NFXL1: variants seen among roughly 807,000 people sequenced by gnomAD.
NFXL1 encodes the protein NF-X1-type zinc finger protein NFXL1.
Under a neutral mutation model 123.3 loss-of-function variants are expected in NFXL1, and 66 were observed. The ratio of observed to expected loss-of-function variants is 0.54; its 90% confidence interval spans 0.44 to 0.66. The LOEUF is 0.66. Ranked by LOEUF, NFXL1 falls within the 30% of genes least tolerant of loss-of-function variation. The probability of loss-of-function intolerance (pLI) is 0.00; values close to 1 mark genes in which losing one functional copy is unlikely to be tolerated. For missense variants in NFXL1, 944 were observed against 1,125.6 expected (o/e 0.84, Z 2.31); for synonymous variants, 346 against 360.8 (o/e 0.96, Z 0.46).
At chr4:47,889,397 A>G (rs1290981405) in intron 12 of NFXL1, among the ~76,000 whole-genome samples, 1 of 152,232 alleles carries the variant, frequency 6.6e-6, no homozygotes, top group Admixed American at 6.5e-5. Context: ...GGGTAAATAG[A>G]ATCTGACACT....
At chr4:47,911,041 A>G (rs1737808143) in intron 2 of NFXL1, 47 bp from the exon 3 acceptor site, 1 of 1,194,636 alleles carries the variant, frequency 8.4e-7, no homozygotes, top group African/African-American at 1.5e-5. Context: ...ATCTCTCAAA[A>G]AGAAAAGCAT....
chr4:47,879,093 T>C lies in NFXL1; in HGVS notation c.1938+3A>G. The C allele has an allele frequency of 7.2e-7, 1 of 1,388,796 alleles. No individual in the cohort carries two copies. The highest frequency in any genetic ancestry group is 1.4e-5 in the South Asian group (1 of 69,770). The allele number at this position is 1,388,796 out of a possible 1,614,324, so 86.0% of individuals were successfully genotyped here. A position where few individuals can be genotyped will look rare whatever the true frequency, so the allele number is the denominator to read the frequency against. On this transcript the variant is annotated splice_donor_region_variant and intron_variant, in intron 16 of 22. Coordinates refer to ENST00000507489, the MANE Select transcript of NFXL1 (RefSeq NM_001278624.2). The stretch of plus-strand genomic sequence containing the variant: ...TTACTTAAAAATTGTGCCTGTAACT[T>C]ACCTCATGTTTCCCAAGACATTCCC...
intron 15 of NFXL1, among the ~76,000 whole-genome samples, chr4:47,880,450 G>T (rs1303680799): frequency 2.7e-5 from 4 of 145,462 alleles, no homozygotes; most frequent in Non-Finnish European, 6.0e-5. Context: ...AAAAAAAAAG[G>T]TTAAAAAGAT....
intron 3 of NFXL1, among the ~76,000 whole-genome samples, chr4:47,909,069 G>A (rs1737706206): frequency 6.6e-6 from 1 of 151,388 alleles, no homozygotes; most frequent in Non-Finnish European, 1.5e-5. Flanking sequence ...CAGATATACA[G>A]CACAGACTAC....
At chr4:47,884,955 C>A (rs1736335731) in intron 14 of NFXL1, among the ~76,000 whole-genome samples, 1 of 151,640 alleles carries the variant, frequency 6.6e-6, no homozygotes. Context: ...GCTGAAACCC[C>A]ATCTCTACTA....
At chr4:47,887,467 G>A (rs1736506233) in intron 12 of NFXL1, among the ~76,000 whole-genome samples, 1 of 152,100 alleles carries the variant, frequency 6.6e-6, no homozygotes. Flanking sequence ...ACATCGTAGG[G>A]TCAAACATAA....
At chr4:47,907,590 T>C (rs771235215) in intron 3 of NFXL1, among the ~76,000 whole-genome samples, 4 of 152,234 alleles carry the variant, frequency 2.6e-5, no homozygotes, top group African/African-American at 4.8e-5. Flanking sequence ...TACTCTGGAA[T>C]GTATGTTCTT....
chr4:47,885,123 TC>T (rs1736347356), intron 14 of NFXL1, among the ~76,000 whole-genome samples: 1 of 140,666 alleles, frequency 7.1e-6, no homozygotes, highest in African/African-American at 2.6e-5. Context: ...AGACTCCGTC[TC>T]AAAAAAAAAA....
intron 2 of NFXL1, among the ~76,000 whole-genome samples, chr4:47,912,392 C>T (rs545872593): frequency 2.0e-5 from 3 of 151,886 alleles, no homozygotes; most frequent in African/African-American, 7.2e-5. Flanking sequence ...AACCTTCTCA[C>T]GTATTATTTC....
chr4:47,850,422 C>T (rs942968406), intron 22 of NFXL1, among the ~76,000 whole-genome samples: 1 of 152,036 alleles, frequency 6.6e-6, no homozygotes, highest in Non-Finnish European at 1.5e-5. Flanking sequence ...TAGCTTAGCA[C>T]ACAATACAAT....
chr4:47,883,542 CA>C (rs1736240938), intron 15 of NFXL1, among the ~76,000 whole-genome samples: 1 of 152,186 alleles, frequency 6.6e-6, no homozygotes, highest in Non-Finnish European at 1.5e-5. Flanking sequence ...ATTAAATCTA[CA>C]GACTAAAATT....
At chr4:47,908,954 CAAAA>C (rs11457014) in intron 3 of NFXL1, among the ~76,000 whole-genome samples, 4 of 90,534 alleles carry the variant, frequency 4.4e-5, no homozygotes, top group African/African-American at 1.0e-4. Context: ...GACTCCGTCG[CAAAA>C]AAAAAAAAAA....
intron 17 of NFXL1, 34 bp downstream of exon 17, chr4:47,878,491 A>G (rs964823996): frequency 6.2e-6 from 9 of 1,446,760 alleles, no homozygotes; most frequent in Non-Finnish European, 7.4e-6. Flanking sequence ...CAAGAATACT[A>G]TGGGCAGATA....
At chr4:47,862,708 CTAACTA>C in intron 19 of NFXL1, 132 bp downstream of exon 19, 1 of 693,730 alleles carries the variant, frequency 1.4e-6, no homozygotes, top group Non-Finnish European at 2.5e-6. Flanking sequence ...TGCATCTACC[CTAACTA>C]TATGTCTTAC....
At chr4:47,870,381 A>G (rs1049714642) in intron 18 of NFXL1, among the ~76,000 whole-genome samples, 4 of 152,214 alleles carry the variant, frequency 2.6e-5, no homozygotes, top group African/African-American at 4.8e-5. Context: ...ATTTAAATAT[A>G]CACACACACT....
At chr4:47,852,696 C>T (rs1457820673) in intron 20 of NFXL1, among the ~76,000 whole-genome samples, 2 of 152,072 alleles carry the variant, frequency 1.3e-5, no homozygotes, top group Non-Finnish European at 2.9e-5. Flanking sequence ...CAGAATAAAA[C>T]GATGACCTAC....
chr4:47,865,310 T>C (rs1051993975), intron 18 of NFXL1, among the ~76,000 whole-genome samples: 1 of 152,144 alleles, frequency 6.6e-6, no homozygotes, highest in Non-Finnish European at 1.5e-5. Context: ...TACTTTAATA[T>C]GTATTTAAGA....
intron 3 of NFXL1, among the ~76,000 whole-genome samples, chr4:47,910,121 C>G (rs1737752485): frequency 2.6e-5 from 4 of 152,122 alleles, no homozygotes; most frequent in Admixed American, 6.5e-5. Context: ...GCTTTAAGAG[C>G]AATCAGATAT....
At chr4:47,907,445 A>C (rs1276681485) in intron 3 of NFXL1, among the ~76,000 whole-genome samples, 1 of 152,268 alleles carries the variant, frequency 6.6e-6, no homozygotes, top group Non-Finnish European at 1.5e-5. Flanking sequence ...GATACTCATC[A>C]GGAAGTTGGC....
Sources: allele counts gnomAD v4.1 joint callset (sites outside exome capture counted in the v4.1 genomes callset), GRCh38; gene constraint gnomAD v4.1.1; transcripts MANE v1.5; gene names NCBI Gene and HGNC (gene_info 2026-07-23, HGNC 2026-07-21).